Variants in TPO observed in about 807,000 individuals in gnomAD.
The protein encoded by TPO is thyroid microsomal antigen.
Under a neutral mutation model 96.9 loss-of-function variants are expected in TPO, and 78 were observed. That is an observed-to-expected ratio of 0.81 (90% CI 0.67 to 0.97). The LOEUF is 0.97. Among genes scored for constraint, TPO ranks in the 50% least tolerant of loss-of-function variants. The pLI, the probability that TPO is intolerant of heterozygous loss-of-function variation, is 0.00. For synonymous variants in TPO, 547 were observed against 538.0 expected (o/e 1.02, Z -0.23); for missense variants, 1,252 against 1,274.8 (o/e 0.98, Z 0.27).
At chr2:1,538,585 T>G (rs1680351190) in intron 15 of TPO, among the ~76,000 whole-genome samples, 1 of 152,204 alleles carries the variant, frequency 6.6e-6, no homozygotes, top group South Asian at 2.1e-4. Flanking sequence ...AAATTTCTAT[T>G]ATGCAGCAAA....
intron 3 of TPO, among the ~76,000 whole-genome samples, chr2:1,427,386 C>T (rs1004077749): frequency 4.6e-5 from 7 of 152,216 alleles, no homozygotes; most frequent in Non-Finnish European, 7.3e-5. Context: ...ACCAGGTTCA[C>T]CTGCAGCAGC....
chr2:1,535,854 C>G (rs1287676219), intron 15 of TPO, among the ~76,000 whole-genome samples: 6 of 74,930 alleles, frequency 8.0e-5, no homozygotes, highest in African/African-American at 4.2e-4. Context: ...GCAACCTCCC[C>G]GAATCCCCCC....
At chr2:1,542,072 TCTGA>T (rs1396880148) in intron 16 of TPO, 9 of 368,270 alleles carry the variant, frequency 2.4e-5, no homozygotes, top group East Asian at 5.3e-5. Context: ...CCCTAATTAG[TCTGA>T]CTGACACCAG....
chr2:1,439,570 A>G (rs1665943919), intron 5 of TPO, among the ~76,000 whole-genome samples: 1 of 152,022 alleles, frequency 6.6e-6, no homozygotes, highest in Non-Finnish European at 1.5e-5. Context: ...GCAGACTTTT[A>G]GCCACTTGGA....
rs1047635291 is a variant in TPO at position 1,476,857 on chromosome 2, G to C, written c.820-229G>C. Among the ~76,000 whole-genome samples the C allele has an allele frequency of 3.3e-5, 5 of 150,996 alleles. No homozygotes were observed. The South Asian group carries it at 1.0e-3, about 32-fold the overall frequency. Reference sequence around the variant, plus strand: ...GACCACCGGTGAGCAGGCCAGGGGGGAGGTGGGGGGCTGGCTGGACCAACC... The same window carrying C: ...GACCACCGGTGAGCAGGCCAGGGGGCAGGTGGGGGGCTGGCTGGACCAACC... On this transcript the variant is annotated intron_variant, in intron 7 of 16. Transcript: ENST00000329066.
chr2:1,479,927 A>G (rs993758619), intron 8 of TPO, among the ~76,000 whole-genome samples: 1 of 152,034 alleles, frequency 6.6e-6, no homozygotes. Context: ...GACCACAGAC[A>G]TGTGCCACCA....
At chr2:1,462,671 G>A (rs1197111441) in intron 7 of TPO, among the ~76,000 whole-genome samples, 2 of 152,150 alleles carry the variant, frequency 1.3e-5, no homozygotes, top group African/African-American at 4.8e-5. Context: ...GCATTGCTGT[G>A]CAAAAGTAAA....
At chr2:1,409,930 AGGG>A (rs1410207219), upstream of TPO, among the ~76,000 whole-genome samples, 1 of 57,290 alleles carries the variant, frequency 1.7e-5, no homozygotes, top group East Asian at 5.3e-4. Flanking sequence ...GTGGACACCT[AGGG>A]TTACGGGGCA....
At chr2:1,392,723 G>A (rs559553681) in intron 1 of TPO, among the ~76,000 whole-genome samples, 96 of 152,252 alleles carry the variant, frequency 6.3e-4, no homozygotes, top group African/African-American at 2.2e-3. Flanking sequence ...TTAGTCTTGG[G>A]AGGGTGTGTT....
At chr2:1,495,091 C>T (rs1672195378) in intron 11 of TPO, among the ~76,000 whole-genome samples, 1 of 152,252 alleles carries the variant, frequency 6.6e-6, no homozygotes, top group Non-Finnish European at 1.5e-5. Context: ...TTTATGCCAC[C>T]TGTGGCTGAA....
chr2:1,429,131 C>T (rs1360991869), intron 3 of TPO, among the ~76,000 whole-genome samples: 2 of 152,122 alleles, frequency 1.3e-5, no homozygotes, highest in Non-Finnish European at 2.9e-5. Flanking sequence ...TTTGCCCCAT[C>T]CCGTTGGTGA....
intron 7 of TPO, among the ~76,000 whole-genome samples, chr2:1,472,435 G>A (rs1669511657): frequency 6.6e-6 from 1 of 152,198 alleles, no homozygotes; most frequent in Admixed American, 6.5e-5. Context: ...ACCTAAAGAA[G>A]TCATGCACAA....
chr2:1,381,157 A>G (rs1489831075), intron 1 of TPO, among the ~76,000 whole-genome samples: 1 of 152,212 alleles, frequency 6.6e-6, no homozygotes, highest in Non-Finnish European at 1.5e-5. Context: ...TAAAGCCAGA[A>G]TTGACAAATG....
intron 8 of TPO, chr2:1,477,868 C>G (rs1174706066): frequency 1.0e-6 from 1 of 985,328 alleles, no homozygotes; most frequent in Non-Finnish European, 1.2e-6. Context: ...CGGGGCCCCT[C>G]TGTCCCACCT....
chr2:1,427,510 A>G (rs1215692779), intron 3 of TPO, among the ~76,000 whole-genome samples: 1 of 152,154 alleles, frequency 6.6e-6, no homozygotes, highest in Non-Finnish European at 1.5e-5. Context: ...TTGACCTGGC[A>G]GGCACCCCTC....
chr2:1,535,638 T>TGTGTACAACCTCCTCAAATCCTCCC (rs1558436362), intron 15 of TPO, among the ~76,000 whole-genome samples: 4 of 794 alleles, frequency 5.0e-3, no homozygotes, highest in African/African-American at 8.9e-3. Flanking sequence ...AAATCCTCCC[T>TGTGTACAACCTCCTCAAATCCTCCC]CGCTGTGTGC....
chr2:1,520,477 C>A (rs571791206), intron 15 of TPO, among the ~76,000 whole-genome samples: 1 of 152,298 alleles, frequency 6.6e-6, no homozygotes, highest in South Asian at 2.1e-4. Context: ...CGTTTCCTCT[C>A]CTAGTGAGAC....
intron 1 of TPO, among the ~76,000 whole-genome samples, chr2:1,400,060 G>A (rs1662144011): frequency 6.6e-6 from 1 of 152,088 alleles, no homozygotes; most frequent in African/African-American, 2.4e-5. Flanking sequence ...CAGCCCTCAT[G>A]TGGCACTGTC....
At position 1,453,818 on chromosome 2, in the gene TPO, C is replaced by A. The variant is rs767922886; in HGVS notation, c.607C>A (p.Pro203Thr). The A allele has an allele frequency of 3.1e-6, 5 of 1,613,736 alleles. No homozygotes were observed. Among genetic ancestry groups the A allele is most frequent in the Admixed American group, 1.7e-5 (1 of 60,016 alleles). The change falls in exon 6 of 17, where the codon CCC becomes ACC. Residue 203 changes from proline (P) to threonine (T), a missense_variant. Pro to Thr is a conservative substitution (Grantham distance 38). Transcript: ENST00000329066. ...CTTCTTGTACAACGGGTTCCCACTG[C>A]CCCCGGTGGGTACTCAGAACGCTAC... ...PGFLYNGFPL[P>T]PVREVTRHVI...
Sources: gnomAD v4.1 joint callset for allele counts (sites outside exome capture counted in the v4.1 genomes callset) on GRCh38, gnomAD v4.1.1 for gene constraint, MANE v1.5 for transcripts, NCBI Gene and HGNC (gene_info 2026-07-23, HGNC 2026-07-21) for gene names.